The following CEP128 variants were observed in gnomAD, a reference collection of about 807,000 sequenced individuals.
The protein encoded by CEP128 is centrosomal protein 128kDa.
CEP128 carries 132 observed loss-of-function variants against 156.7 expected under a neutral mutation model. That is an observed-to-expected ratio of 0.84 (90% CI 0.73 to 0.97). The LOEUF (loss-of-function observed/expected upper bound fraction) is 0.97. Among genes scored for constraint, CEP128 ranks in the 50% least tolerant of loss-of-function variants. The pLI is 0.00. For synonymous variants in CEP128, 469 were observed against 448.9 expected (o/e 1.04, Z -0.57); for missense variants, 1,252 against 1,281.9 (o/e 0.98, Z 0.36).
chr14:80,927,730 G>A (rs1885230794), intron 2 of CEP128, among the ~76,000 whole-genome samples: 1 of 152,172 alleles, frequency 6.6e-6, no homozygotes, highest in South Asian at 2.1e-4. Flanking sequence ...TGTGACCTCT[G>A]CCCACCACTG....
At chr14:80,818,962 T>A (rs887709946) in intron 13 of CEP128, among the ~76,000 whole-genome samples, 1 of 152,216 alleles carries the variant, frequency 6.6e-6, no homozygotes, top group Non-Finnish European at 1.5e-5. Flanking sequence ...CCAGGCCTAT[T>A]TCTTAAGATT....
chr14:80,620,969 AC>A (rs2140656595), intron 19 of CEP128, among the ~76,000 whole-genome samples: 1 of 152,324 alleles, frequency 6.6e-6, no homozygotes, highest in East Asian at 1.9e-4. Context: ...AAAAGTATAA[AC>A]ACACACAGCA....
chr14:80,690,244 T>TTAAA (rs1896672953), intron 19 of CEP128, among the ~76,000 whole-genome samples: 1 of 116,460 alleles, frequency 8.6e-6, no homozygotes, highest in Non-Finnish European at 1.8e-5. Context: ...CTGTCTCTAT[T>TTAAA]AAAAAAAAAA....
chr14:80,900,056 A>G (rs375866923), intron 6 of CEP128, 27 bp from the exon 7 acceptor site: 2 of 1,466,596 alleles, frequency 1.4e-6, no homozygotes, highest in African/African-American at 2.8e-5. Flanking sequence ...ACAGTTATCC[A>G]TTTAGAATTC....
chr14:80,559,769 G>T (rs1468636901), intron 20 of CEP128, among the ~76,000 whole-genome samples: 1 of 152,160 alleles, frequency 6.6e-6, no homozygotes, highest in Admixed American at 6.5e-5. Flanking sequence ...TAAAATAAAT[G>T]AGTAAATCAT....
chr14:80,795,358 A>C (rs929831776), intron 13 of CEP128, among the ~76,000 whole-genome samples: 1 of 152,202 alleles, frequency 6.6e-6, no homozygotes, highest in Non-Finnish European at 1.5e-5. Flanking sequence ...TTCATTGTCA[A>C]GGAGATGACC....
chr14:80,785,169 T>C lies in CEP128; in HGVS notation c.1937A>G (p.Asp646Gly). The change falls in exon 15 of 25, where the codon GAT becomes GGT. Residue 646 changes from aspartate (D) to glycine (G), a missense_variant. Transcript: ENST00000555265. ...SIKDLSAIRA[D>G]LANKLAEEER... is the part of the protein sequence containing the mutation. ...TTCCTCAGCCAATTTATTAGCAAGA[T>C]CTGCTCGGATGGCACTCAGGTCCTT... is the stretch of plus-strand genomic sequence containing the variant. 6.2e-7 allele frequency: 1 copy of C among 1,614,178 alleles called. No homozygotes were observed. Among genetic ancestry groups the C allele is most frequent in the Non-Finnish European group, 8.5e-7 (1 of 1,180,012 alleles).
At chr14:80,698,817 T>C (rs972667935) in intron 19 of CEP128, among the ~76,000 whole-genome samples, 4 of 152,224 alleles carry the variant, frequency 2.6e-5, no homozygotes, top group Non-Finnish European at 5.9e-5. Flanking sequence ...ACATTTAAGT[T>C]AAGCATTATA....
chr14:80,722,428 T>A (rs1897852130), intron 19 of CEP128, among the ~76,000 whole-genome samples: 1 of 152,080 alleles, frequency 6.6e-6, no homozygotes, highest in South Asian at 2.1e-4. Context: ...CAAAATCATC[T>A]CTGTTCTTTG....
At chr14:80,745,313 A>G (rs981404612) in intron 18 of CEP128, among the ~76,000 whole-genome samples, 1 of 152,176 alleles carries the variant, frequency 6.6e-6, no homozygotes. Context: ...AGCCTCCTGC[A>G]CAGCCTATAG....
intron 18 of CEP128, among the ~76,000 whole-genome samples, chr14:80,743,476 T>C (rs1898939686): frequency 1.3e-5 from 2 of 152,196 alleles, no homozygotes; most frequent in South Asian, 4.1e-4. Context: ...TATTCGTAGA[T>C]TTTTAAAAAA....
At chr14:80,602,766 C>T (rs1374215706) in intron 19 of CEP128, among the ~76,000 whole-genome samples, 1 of 151,252 alleles carries the variant, frequency 6.6e-6, no homozygotes, top group South Asian at 2.1e-4. Context: ...AGCAAGACTC[C>T]GTCTCAAAAA....
intron 19 of CEP128, among the ~76,000 whole-genome samples, chr14:80,645,507 T>C (rs1894595995): frequency 6.6e-6 from 1 of 152,026 alleles, no homozygotes; most frequent in Non-Finnish European, 1.5e-5. Context: ...TTATATAAGA[T>C]GCAGCATCTG....
At chr14:80,799,956 G>A (rs1883743077) in intron 13 of CEP128, among the ~76,000 whole-genome samples, 1 of 152,110 alleles carries the variant, frequency 6.6e-6, no homozygotes, top group Non-Finnish European at 1.5e-5. Flanking sequence ...CCTTTGTCCT[G>A]TTCTCTCAGA....
chr14:80,848,684 GAAGAAAGGA>G (rs1179752710), intron 9 of CEP128, among the ~76,000 whole-genome samples: 2 of 150,446 alleles, frequency 1.3e-5, no homozygotes, highest in African/African-American at 4.9e-5. Context: ...AAGAAAAAGA[GAAGAAAGGA>G]AAGAAAGAAA....
At chr14:80,678,799 C>T (rs1284888914) in intron 19 of CEP128, among the ~76,000 whole-genome samples, 1 of 152,104 alleles carries the variant, frequency 6.6e-6, no homozygotes, top group Admixed American at 6.6e-5. Flanking sequence ...AGACTCAGGA[C>T]CAAGAGCACA....
At chr14:80,590,699 T>G (rs756867860) in intron 19 of CEP128, among the ~76,000 whole-genome samples, 3 of 151,920 alleles carry the variant, frequency 2.0e-5, no homozygotes, top group Non-Finnish European at 4.4e-5. Context: ...ACAATAGATA[T>G]CTTTTGAATT....
intron 19 of CEP128, among the ~76,000 whole-genome samples, chr14:80,733,666 G>A (rs1401187873): frequency 6.6e-6 from 1 of 151,992 alleles, no homozygotes; most frequent in Non-Finnish European, 1.5e-5. Context: ...AAATTTCATG[G>A]CTATAAGGCA....
At chr14:80,761,079 A>G (rs1310419800) in intron 17 of CEP128, among the ~76,000 whole-genome samples, 1 of 152,114 alleles carries the variant, frequency 6.6e-6, no homozygotes, top group East Asian at 1.9e-4. Flanking sequence ...CAGTACCTAT[A>G]CTATAGTACT....
Sources: allele counts gnomAD v4.1 joint callset (sites outside exome capture counted in the v4.1 genomes callset), GRCh38; gene constraint gnomAD v4.1.1; transcripts MANE v1.5; gene names NCBI Gene and HGNC (gene_info 2026-07-23, HGNC 2026-07-21).